AK2: variants seen among roughly 807,000 people sequenced by gnomAD.
AK2 encodes the protein adenylate kinase 2, mitochondrial.
AK2 carries 15 observed loss-of-function variants against 24.6 expected under a neutral mutation model. That is an observed-to-expected ratio of 0.61 (90% CI 0.41 to 0.94). The LOEUF (loss-of-function observed/expected upper bound fraction) is 0.94, where lower values mean the gene tolerates loss of function less well. Among genes scored for constraint, AK2 ranks in the 40% least tolerant of loss-of-function variants. The probability of loss-of-function intolerance (pLI) is 0.00; values close to 1 mark genes in which losing one functional copy is unlikely to be tolerated. For missense variants in AK2, 257 were observed against 304.1 expected, an observed-to-expected ratio of 0.85 and a Z score of 1.15; for synonymous variants, 102 against 114.0, an observed-to-expected ratio of 0.90 and a Z score of 0.67.
At position 33,012,163 on chromosome 1, in the gene AK2, C is replaced by T. The variant is rs895167247; in HGVS notation, c.*1018G>A. 8.5e-6 allele frequency: 13 copies of T among 1,535,350 alleles called. No homozygotes were observed. The highest frequency in any genetic ancestry group is 2.0e-5 in the Admixed American group (1 of 50,976). On this transcript the variant is annotated 3_prime_UTR_variant, in exon 6 of 6. Coordinates refer to ENST00000672715, the MANE Select transcript of AK2 (RefSeq NM_001625.4). ...ACAATCTGAATTCAAAAGGACCTTT[C>T]ACCTGGTTTAATTCTCTGGCAACAA...
chr1:33,035,399 G>T (rs1640515307), intron 1 of AK2, among the ~76,000 whole-genome samples: 1 of 152,216 alleles, frequency 6.6e-6, no homozygotes, highest in South Asian at 2.1e-4. Flanking sequence ...TGTGCTAGGT[G>T]CCACAAGGGG....
chr1:33,029,409 C>CT (rs1293934128), intron 1 of AK2: 8,967 of 115,978 alleles, frequency 0.077, 993 homozygotes, highest in African/African-American at 0.21. Flanking sequence ...TGATGTTGAA[C>CT]TTTTTTTTTT....
chr1:33,019,479 C>T (rs1191257058), intron 4 of AK2, among the ~76,000 whole-genome samples: 5 of 152,152 alleles, frequency 3.3e-5, no homozygotes, highest in Non-Finnish European at 4.4e-5. Flanking sequence ...CTACTCTGTG[C>T]CCAGTGGGGA....
Position 33,011,525 on chromosome 1 carries a change from G to A in AK2, c.*1656C>T. On this transcript the variant is annotated 3_prime_UTR_variant, in exon 6 of 6. Coordinates refer to ENST00000672715, the MANE Select transcript of AK2 (RefSeq NM_001625.4). ...CATGTGGACAGCAGATAAGACCTCTGGTAGTCTCACAGATGGCAGGAGAGC... is the reference window on the plus strand; with the variant it reads ...CATGTGGACAGCAGATAAGACCTCTAGTAGTCTCACAGATGGCAGGAGAGC... 7.8e-7 allele frequency: 1 copy of A among 1,287,464 alleles called. No individual in the cohort carries two copies. Among genetic ancestry groups the A allele is most frequent in the Non-Finnish European group, 1.0e-6 (1 of 988,864 alleles). The allele number at this position is 1,287,464 out of a possible 1,614,324, so 79.8% of individuals were successfully genotyped here.
chr1:33,027,056 G>A (rs1356267305), intron 1 of AK2, among the ~76,000 whole-genome samples: 3 of 152,142 alleles, frequency 2.0e-5, no homozygotes, highest in South Asian at 2.1e-4. Context: ...AACCCAGAAG[G>A]TGGAAGTTGC....
At chr1:33,030,224 T>C (rs1468046709) in intron 1 of AK2, among the ~76,000 whole-genome samples, 1 of 152,216 alleles carries the variant, frequency 6.6e-6, no homozygotes, top group Non-Finnish European at 1.5e-5. Flanking sequence ...TGCTCCAATA[T>C]TGGTCTAAGC....
At position 33,008,583 on chromosome 1, in the gene AK2, G is replaced by T; in HGVS notation, c.*4598C>A. ...AGTAATTAAATCACTTCAGCAACAA[G>T]ATCAAGGGGACGGATAAGTGTTAGA... On this transcript the variant is annotated 3_prime_UTR_variant, in exon 6 of 6. Coordinates refer to ENST00000672715, the MANE Select transcript of AK2 (RefSeq NM_001625.4). 2 of 454,080 alleles carry T rather than the reference G, an allele frequency of 4.4e-6. No homozygotes were observed. Among genetic ancestry groups the T allele is most frequent in the Middle Eastern group, 6.9e-4 (1 of 1,444 alleles). The allele number at this position is 454,080 out of a possible 1,614,324, so 28.1% of individuals were successfully genotyped here.
In AK2 at chr1:33,024,532, A is replaced by G. The variant is rs1171496556; in HGVS notation, c.129T>C (p.His43=). The stretch of plus-strand genomic sequence containing the variant: ...CCCTCAGCATGTCCCCAGTAGCTAA[A>G]TGGCAGACACAGAAGTTTTCAGCCA... ...PRLAENFCVC[H]LATGDMLRAM... The change falls in exon 2 of 6, where the codon CAT becomes CAC. Residue 43 remains histidine, a synonymous_variant. Coordinates refer to ENST00000672715, the MANE Select transcript of AK2 (RefSeq NM_001625.4). The G allele has an allele frequency of 2.5e-6, 4 of 1,614,064 alleles. No individual in the cohort carries two copies. In the African/African-American group the frequency reaches 5.3e-5, roughly 22 times the overall value.
At chr1:33,033,456 T>C (rs927684952) in intron 1 of AK2, among the ~76,000 whole-genome samples, 2 of 152,142 alleles carry the variant, frequency 1.3e-5, no homozygotes, top group Non-Finnish European at 2.9e-5. Flanking sequence ...TGAGCTATGA[T>C]TGGGCTACTA....
chr1:33,018,739 T>C (rs1011511262), intron 4 of AK2, among the ~76,000 whole-genome samples: 1 of 152,192 alleles, frequency 6.6e-6, no homozygotes, highest in African/African-American at 2.4e-5. Flanking sequence ...AATCTCTCTG[T>C]TCTCTCCCAC....
intron 4 of AK2, among the ~76,000 whole-genome samples, chr1:33,020,451 C>T (rs964812635): frequency 4.6e-5 from 7 of 152,172 alleles, no homozygotes; most frequent in African/African-American, 1.4e-4. Flanking sequence ...TGTTACCTAA[C>T]ACGTGAAATA....
chr1:33,009,774 A>G lies in AK2; in HGVS notation c.*3407T>C. On this transcript the variant is annotated 3_prime_UTR_variant, in exon 6 of 6. Coordinates refer to ENST00000672715, the MANE Select transcript of AK2 (RefSeq NM_001625.4). ...TAGGAGCTGAAGGTCAAGAGGTTGCAGGCTTATCTCATATGCACATACTTG... is the reference window on the plus strand; with the variant it reads ...TAGGAGCTGAAGGTCAAGAGGTTGCGGGCTTATCTCATATGCACATACTTG... 2.2e-6 allele frequency: 1 copy of G among 454,424 alleles called. No homozygotes were observed. The highest frequency in any genetic ancestry group is 1.6e-5 in the South Asian group (1 of 64,474). The allele number at this position is 454,424 out of a possible 1,614,324, so 28.1% of individuals were successfully genotyped here.
intron 1 of AK2, among the ~76,000 whole-genome samples, chr1:33,030,684 AT>A (rs1640185028): frequency 6.6e-6 from 1 of 152,248 alleles, no homozygotes; most frequent in Admixed American, 6.5e-5. Flanking sequence ...AGTATGTATA[AT>A]ACATAATAAA....
At chr1:33,015,269 T>C (rs558571856) in intron 4 of AK2, among the ~76,000 whole-genome samples, 1 of 152,246 alleles carries the variant, frequency 6.6e-6, no homozygotes, top group African/African-American at 2.4e-5. Flanking sequence ...TCGGGAAAAA[T>C]GACTTATTAA....
intron 1 of AK2, among the ~76,000 whole-genome samples, chr1:33,034,922 T>C (rs554551717): frequency 3.3e-5 from 5 of 151,976 alleles, no homozygotes; most frequent in Admixed American, 6.6e-5. Context: ...CATGGTAGCA[T>C]GTGCCTGTAC....
Position 33,013,280 on chromosome 1 carries a change from G to C in AK2, c.621C>G (p.His207Gln). The C allele has an allele frequency of 6.2e-7, 1 of 1,614,206 alleles. No homozygotes were observed. Among genetic ancestry groups the C allele is most frequent in the Non-Finnish European group, 8.5e-7 (1 of 1,180,036 alleles). The change falls in exon 6 of 6, where the codon CAC becomes CAG. Residue 207 changes from histidine to glutamine, a missense_variant. His to Gln is a conservative substitution (Grantham distance 24). Transcript: ENST00000672715. Reference protein sequence around the residue: ...LIEYYRKRGIHSAIDASQTPD... With the variant: ...LIEYYRKRGIQSAIDASQTPD... ...GGGTCTGGGATGCATCGATGGCGGA[G>C]TGGATCCCCCGTTTCCTGTAGTACT...
At chr1:33,018,624 G>T (rs1311597025) in intron 4 of AK2, among the ~76,000 whole-genome samples, 1 of 152,136 alleles carries the variant, frequency 6.6e-6, no homozygotes, top group Non-Finnish European at 1.5e-5. Flanking sequence ...GAGGACGGGG[G>T]TCCTTCTCTC....
chr1:33,036,520 T>C (rs901395085), intron 1 of AK2, among the ~76,000 whole-genome samples: 2 of 152,146 alleles, frequency 1.3e-5, no homozygotes, highest in Non-Finnish European at 2.9e-5. Context: ...ACTTCAACAC[T>C]GAATCCCTCG....
chr1:33,026,191 TTTTC>T (rs772297564), intron 1 of AK2, among the ~76,000 whole-genome samples: 36 of 152,206 alleles, frequency 2.4e-4, no homozygotes, highest in Middle Eastern at 3.2e-3. Flanking sequence ...GGGAGTTTTC[TTTTC>T]TTTCTTTCTT....
Sources: allele counts gnomAD v4.1 joint callset (sites outside exome capture counted in the v4.1 genomes callset), GRCh38; gene constraint gnomAD v4.1.1; transcripts MANE v1.5; gene names NCBI Gene and HGNC (gene_info 2026-07-23, HGNC 2026-07-21).